Variants in KRTCAP3 observed in about 807,000 individuals in gnomAD.
KRTCAP3 encodes keratinocyte-associated protein 3.
A neutral mutation model predicts 20.5 loss-of-function variants in KRTCAP3; 18 were observed. The observed-to-expected ratio is 0.88, with a 90% CI of 0.61 to 1.31. The LOEUF (loss-of-function observed/expected upper bound fraction) is 1.31, where lower values mean the gene tolerates loss of function less well. Among genes scored for constraint, KRTCAP3 ranks in the 50% most tolerant of loss-of-function variants. The pLI is 0.00. For synonymous variants in KRTCAP3, 167 were observed against 133.7 expected (o/e 1.25, Z -1.72); for missense variants, 347 against 310.4 (o/e 1.12, Z -0.89).
downstream of KRTCAP3, chr2:27,445,620 TCTA>T (rs1460122979): frequency 2.2e-6 from 3 of 1,355,570 alleles, no homozygotes; most frequent in African/African-American, 1.5e-5. This position sits in a 1 kb window ranked among gnomAD's most constrained non-coding sequence, Gnocchi z 4.4. Flanking sequence ...CTATTTTGCT[TCTA>T]CTTTCACTGA....
Position 27,444,251 on chromosome 2 carries a change from C to T in KRTCAP3, c.*71C>T, listed in dbSNP as rs538979229. The T allele has an allele frequency of 8.8e-5, 57 of 644,666 alleles. No homozygotes were observed. In the South Asian group the frequency reaches 1.0e-3, roughly 11 times the overall value. 39.9% of individuals were successfully genotyped at this position (644,666 alleles called of 1,614,324 possible). A position where few individuals can be genotyped will look rare whatever the true frequency, so the allele number is the denominator to read the frequency against. Reference sequence around the variant, plus strand: ...CCCACTAAGCAAGGGGCCCTGACCTCGGGATGAGATAACAAATTGTAATAA... The same window carrying T: ...CCCACTAAGCAAGGGGCCCTGACCTTGGGATGAGATAACAAATTGTAATAA... On this transcript the variant is annotated 3_prime_UTR_variant, in exon 7 of 7. Coordinates refer to ENST00000288873, the MANE Select transcript of KRTCAP3 (RefSeq NM_173853.4).
intron 4 of KRTCAP3, 29 bp downstream of exon 4, chr2:27,443,309 C>A (rs760740928): frequency 1.2e-6 from 2 of 1,613,378 alleles, no homozygotes; most frequent in Non-Finnish European, 1.7e-6. Flanking sequence ...TTCTTGTGGT[C>A]TACAAAGCCT....
At chr2:27,445,027 A>G (rs747938088), downstream of KRTCAP3, 4 of 1,613,962 alleles carry the variant, frequency 2.5e-6, no homozygotes, top group South Asian at 3.3e-5. The surrounding 1 kb of genome is among the most constrained non-coding windows in gnomAD (Gnocchi z 4.4). Flanking sequence ...GATGGCCATA[A>G]GGAATTTATT....
At chr2:27,445,105 C>T, downstream of KRTCAP3, 1 of 1,613,782 alleles carries the variant, frequency 6.2e-7, no homozygotes, top group Non-Finnish European at 8.5e-7. This position sits in a 1 kb window ranked among gnomAD's most constrained non-coding sequence, Gnocchi z 4.4. Flanking sequence ...AATGGGGTAT[C>T]CTGTGGAGGA....
downstream of KRTCAP3, chr2:27,445,850 T>G: frequency 6.2e-7 from 1 of 1,614,066 alleles, no homozygotes; most frequent in Non-Finnish European, 8.5e-7. This position sits in a 1 kb window ranked among gnomAD's most constrained non-coding sequence, Gnocchi z 4.4. Flanking sequence ...TTGCCTGCAG[T>G]AGAGTGGGCA....
chr2:27,445,674 C>G (rs780951589), downstream of KRTCAP3: 10 of 1,561,172 alleles, frequency 6.4e-6, no homozygotes, highest in Non-Finnish European at 8.8e-6. This position sits in a 1 kb window ranked among gnomAD's most constrained non-coding sequence, Gnocchi z 4.4. Context: ...GATGGCAGCA[C>G]AAAGATATTC....
chr2:27,444,159 C>T (rs1431863075), intron 6 of KRTCAP3, 27 bp from the exon 7 acceptor site: 2 of 792,758 alleles, frequency 2.5e-6, no homozygotes, highest in African/African-American at 1.7e-5. Flanking sequence ...TCCCCTCTGA[C>T]CTGGGTTGGT....
At chr2:27,446,016 A>T (rs1665057460), downstream of KRTCAP3, 1 of 1,613,730 alleles carries the variant, frequency 6.2e-7, no homozygotes, top group Non-Finnish European at 8.5e-7. Context: ...TGCAAATGGG[A>T]GTGAACAAGC....
chr2:27,445,203 T>C, downstream of KRTCAP3: 1 of 1,587,238 alleles, frequency 6.3e-7, no homozygotes, highest in Non-Finnish European at 8.6e-7. The surrounding 1 kb of genome is among the most constrained non-coding windows in gnomAD (Gnocchi z 4.4). Flanking sequence ...GTCCTGTCTT[T>C]TGTACCCTTT....
At chr2:27,444,496 T>C (rs765993455), downstream of KRTCAP3, 1 of 1,613,682 alleles carries the variant, frequency 6.2e-7, no homozygotes, top group Non-Finnish European at 8.5e-7. Flanking sequence ...TTTCAGCACG[T>C]CCTGGCACAC....
In KRTCAP3 at chr2:27,442,441, G is replaced by C. The variant is rs1332660473; in HGVS notation, c.28+1G>C. 1 of 1,570,108 alleles carries C rather than the reference G, an allele frequency of 6.4e-7. No individual in the cohort carries two copies. The highest frequency in any genetic ancestry group is 8.6e-7 in the Non-Finnish European group (1 of 1,158,284). On this transcript the variant is annotated splice_donor_variant, in intron 1 of 6. Coordinates refer to ENST00000288873, the MANE Select transcript of KRTCAP3 (RefSeq NM_173853.4). LOFTEE classifies it high-confidence loss of function. The stretch of plus-strand genomic sequence containing the variant: ...AGGCGCTGCAGTCTCTGCGCTTTCG[G>C]TAACTTCCGGGCCCTGGCGTCTCGT...
At chr2:27,443,802 G>A (rs1015371061) in intron 5 of KRTCAP3, 147 bp from the exon 6 acceptor site, 9 of 632,366 alleles carry the variant, frequency 1.4e-5, no homozygotes, top group Non-Finnish European at 2.3e-5. Context: ...CTTGAACCCG[G>A]AAGGCGGAGG....
chr2:27,445,269 G>C, downstream of KRTCAP3: 1 of 1,599,896 alleles, frequency 6.3e-7, no homozygotes, highest in Admixed American at 1.7e-5. The surrounding 1 kb of genome is among the most constrained non-coding windows in gnomAD (Gnocchi z 4.4). Flanking sequence ...CCCACCACAG[G>C]ATCTGGGGTG....
At chr2:27,444,652 T>A (rs1218908024), downstream of KRTCAP3, 1 of 669,722 alleles carries the variant, frequency 1.5e-6, no homozygotes, top group Non-Finnish European at 2.4e-6. Context: ...GTATGTGGGT[T>A]TTTTGTTTGT....
rs529494132 is a variant in KRTCAP3 at position 27,442,794 on chromosome 2, C to T, written c.213+31C>T. ...CGCGGCAGGCGACCCGGGCGGGGGC[C>T]GGGCTCCCGGAGAGCCCAGCAGGCC... On this transcript the variant is annotated intron_variant, in intron 2 of 6. Transcript: ENST00000288873. 92 of 1,611,090 alleles carry T rather than the reference C, an allele frequency of 5.7e-5. 1 individual carries two copies. In the South Asian group the frequency reaches 9.4e-4, roughly 17 times the overall value.
At chr2:27,444,959 TTC>T (rs1340027365), downstream of KRTCAP3, 56 of 1,579,940 alleles carry the variant, frequency 3.5e-5, no homozygotes, top group Non-Finnish European at 4.8e-5. Context: ...TTGTTTTTTT[TTC>T]TTTTTTTAGT....
downstream of KRTCAP3, chr2:27,446,394 A>C: frequency 6.4e-7 from 1 of 1,571,950 alleles, no homozygotes; most frequent in Non-Finnish European, 8.8e-7. Context: ...ATGGCACTAA[A>C]GTGACTGAGC....
chr2:27,445,700 C>T (rs375671477), downstream of KRTCAP3: 648 of 1,601,884 alleles, frequency 4.0e-4, 1 homozygote, highest in Non-Finnish European at 4.9e-4. This position sits in a 1 kb window ranked among gnomAD's most constrained non-coding sequence, Gnocchi z 4.4. Flanking sequence ...CCTCAAGGCA[C>T]TCACACTGGT....
downstream of KRTCAP3, chr2:27,444,373 T>C: frequency 9.3e-7 from 1 of 1,079,046 alleles, no homozygotes; most frequent in South Asian, 1.3e-5. Context: ...TACAGTGGTC[T>C]CAATTATTTA....
Sources: allele counts gnomAD v4.1 joint callset, GRCh38; gene constraint gnomAD v4.1.1; non-coding constraint Gnocchi (gnomAD v3.1); transcripts MANE v1.5; gene names NCBI Gene and HGNC (gene_info 2026-07-23, HGNC 2026-07-21).